Variants in ST6GALNAC1 observed in about 807,000 individuals in gnomAD.
ST6GALNAC1 encodes the protein ST6 N-acetylgalactosaminide alpha-2,6-sialyltransferase 1.
In ST6GALNAC1, 45 loss-of-function variants were observed where a neutral mutation model predicts 56.8. The ratio of observed to expected loss-of-function variants is 0.79; its 90% CI spans 0.62 to 1.02. The LOEUF is 1.02. Among genes scored for constraint, ST6GALNAC1 ranks in the 50% least tolerant of loss-of-function variants. The probability of loss-of-function intolerance (pLI) is 0.00; values close to 1 mark genes in which losing one functional copy is unlikely to be tolerated. For synonymous variants in ST6GALNAC1, 295 were observed against 297.8 expected (o/e 0.99, Z 0.10); for missense variants, 743 against 754.8 (o/e 0.98, Z 0.18).
intron 1 of ST6GALNAC1, among the ~76,000 whole-genome samples, chr17:76,641,216 C>T (rs906843710): frequency 1.8e-4 from 27 of 152,294 alleles, no homozygotes; most frequent in Middle Eastern, 6.8e-3. Context: ...CCCTGCCCCA[C>T]GAAATGCTTA....
intron 1 of ST6GALNAC1, among the ~76,000 whole-genome samples, chr17:76,634,121 T>A (rs1407566202): frequency 6.6e-6 from 1 of 152,220 alleles, no homozygotes; most frequent in Non-Finnish European, 1.5e-5. Flanking sequence ...TTCTATGGCA[T>A]GGAGAGCGAG....
chr17:76,618,417 A>G, the ST6GALNAC1 span, among the ~76,000 whole-genome samples: 1 of 152,134 alleles, frequency 6.6e-6, no homozygotes, highest in East Asian at 1.9e-4. Context: ...ACAATTTATC[A>G]ATAGGAAAGA....
At chr17:76,637,238 C>G (rs1284403684) in intron 1 of ST6GALNAC1, among the ~76,000 whole-genome samples, 1 of 138,104 alleles carries the variant, frequency 7.2e-6, no homozygotes, top group East Asian at 2.2e-4. Flanking sequence ...AAATCCCCCT[C>G]TCCGAGAAAC....
In ST6GALNAC1 at chr17:76,642,219, C is replaced by CCTATCTATCTATCTATCTATCTATCTAT. The variant is rs10693413; in HGVS notation, c.131+1288_131+1289insATAGATAGATAGATAGATAGATAGATAG. On this transcript the variant is annotated intron_variant, in intron 1 of 8. Coordinates refer to ENST00000156626, the MANE Select transcript of ST6GALNAC1 (RefSeq NM_018414.5). ...CTCTATCTCTCTCTCTCTCTATCTG[C>CCTATCTATCTATCTATCTATCTATCTAT]CTATCTATCTATCTATCTATCTATC... Among the ~76,000 whole-genome samples, 245 of 150,188 alleles carry CCTATCTATCTATCTATCTATCTATCTAT rather than the reference C, an allele frequency of 1.6e-3. 1 individual carries two copies. The highest frequency in any genetic ancestry group is 4.1e-3 in the African/African-American group (164 of 40,314).
chr17:76,630,512 G>A (rs564434588), intron 1 of ST6GALNAC1, among the ~76,000 whole-genome samples: 223 of 152,072 alleles, frequency 1.5e-3, no homozygotes, highest in African/African-American at 5.3e-3. Context: ...ACTTCCCAAG[G>A]GTGTTAGGAA....
At position 76,637,705 on chromosome 17, in the gene ST6GALNAC1, G is replaced by A. The variant is rs142774052; in HGVS notation, c.131+5803C>T. 8.9e-4 allele frequency: 355 copies of A among 399,024 alleles called. 2 individuals are homozygous for A. Among genetic ancestry groups the A allele is most frequent in the African/African-American group, 6.5e-3 (318 of 48,758 alleles). 24.7% of individuals were successfully genotyped at this position (399,024 alleles called of 1,614,324 possible). ...CGTCCCACTCCCATGCCTTGGCACCGCATCAGATGTCCTGGAGCCCTTGAT... is the reference window on the plus strand; with the variant it reads ...CGTCCCACTCCCATGCCTTGGCACCACATCAGATGTCCTGGAGCCCTTGAT... On this transcript the variant is annotated intron_variant, in intron 1 of 8. Coordinates refer to ENST00000156626, the MANE Select transcript of ST6GALNAC1 (RefSeq NM_018414.5).
At chr17:76,640,405 G>T (rs2076035197) in intron 1 of ST6GALNAC1, among the ~76,000 whole-genome samples, 1 of 152,118 alleles carries the variant, frequency 6.6e-6, no homozygotes, top group South Asian at 2.1e-4. Flanking sequence ...TTAACTCCAG[G>T]GCATGTGGCA....
At chr17:76,639,275 C>T (rs1172690532) in intron 1 of ST6GALNAC1, among the ~76,000 whole-genome samples, 2 of 152,092 alleles carry the variant, frequency 1.3e-5, no homozygotes, top group African/African-American at 4.8e-5. Flanking sequence ...TGAGGAAACA[C>T]AGACAAATAA....
rs762959525 is a variant in ST6GALNAC1 at position 76,625,849 on chromosome 17, CAGGAGGGCCCCAGTGGTGG to C, written c.1556_1574del (p.Pro519ArgfsTer12). ...CACAGAGCTGAAGGGCAGTGAGCAG[CAGGAGGGCCCCAGTGGTGG>C]GGCGGTATATCCTCCAGTGGGCACC... is the stretch of plus-strand genomic sequence containing the variant. On this transcript the variant is annotated frameshift_variant, in exon 8 of 9. Coordinates refer to ENST00000156626, the MANE Select transcript of ST6GALNAC1 (RefSeq NM_018414.5). LOFTEE classifies it low-confidence loss of function (END_TRUNC). 6.5e-7 allele frequency: 1 copy of C among 1,542,726 alleles called. No homozygotes were observed. The highest frequency in any genetic ancestry group is 2.2e-5 in the East Asian group (1 of 44,460).
intron 1 of ST6GALNAC1, among the ~76,000 whole-genome samples, chr17:76,640,746 C>T (rs958855857): frequency 7.4e-4 from 112 of 152,144 alleles, no homozygotes; most frequent in African/African-American, 2.2e-3. Flanking sequence ...GCACAAAGTC[C>T]GGTGACCACA....
At chr17:76,634,692 T>G (rs2143464438) in intron 1 of ST6GALNAC1, among the ~76,000 whole-genome samples, 1 of 151,894 alleles carries the variant, frequency 6.6e-6, no homozygotes, top group Non-Finnish European at 1.5e-5. Flanking sequence ...GAGACCAGCC[T>G]GGCCAACATG....
intron 1 of ST6GALNAC1, among the ~76,000 whole-genome samples, chr17:76,638,418 C>T (rs2076004679): frequency 6.6e-6 from 1 of 151,926 alleles, no homozygotes; most frequent in African/African-American, 2.4e-5. Context: ...GCTGTGTCAC[C>T]CAGGCTGGAG....
chr17:76,627,227 C>A lies in ST6GALNAC1; in HGVS notation c.1012G>T (p.Val338Phe), dbSNP rs764347924. Residue 338 changes from valine to phenylalanine, a missense_variant, in exon 4 of 9, where the codon GTC becomes TTC. Coordinates refer to ENST00000156626, the MANE Select transcript of ST6GALNAC1 (RefSeq NM_018414.5). This position sits in a 1 kb window ranked among gnomAD's most constrained non-coding sequence, Gnocchi z 4.4. The stretch of plus-strand genomic sequence containing the variant: ...GGCACTGGAGGGAAGCGTGTCACGA[C>A]CTTCTGCACCACTGGAACAAGAGTG... ...MELNYSLVQK[V>F]VTRFPPVPQQ... 1 of 1,566,130 alleles carries A rather than the reference C, an allele frequency of 6.4e-7. No homozygotes were observed.
intron 1 of ST6GALNAC1, chr17:76,637,380 T>A: frequency 2.3e-5 from 4 of 170,302 alleles, no homozygotes; most frequent in Non-Finnish European, 3.5e-5. Flanking sequence ...CATAGAACAG[T>A]CACCACAAGG....
At chr17:76,641,438 T>A (rs2076046721) in intron 1 of ST6GALNAC1, among the ~76,000 whole-genome samples, 1 of 151,552 alleles carries the variant, frequency 6.6e-6, no homozygotes, top group South Asian at 2.1e-4. Context: ...ATGAAAAAAA[T>A]AATAAAAAGG....
At chr17:76,643,463 C>T in intron 1 of ST6GALNAC1, 45 bp downstream of exon 1, 4 of 1,605,066 alleles carry the variant, frequency 2.5e-6, no homozygotes, top group Admixed American at 3.4e-5. Context: ...TTTCTGTTTC[C>T]TCAAATGAAT....
intron 1 of ST6GALNAC1, among the ~76,000 whole-genome samples, chr17:76,641,617 G>A (rs1162958923): frequency 6.6e-6 from 1 of 152,166 alleles, no homozygotes; most frequent in East Asian, 1.9e-4. Flanking sequence ...GTCCTGGGAG[G>A]TAAAGTAAAC....
intron 1 of ST6GALNAC1, among the ~76,000 whole-genome samples, chr17:76,632,883 G>A (rs918062343): frequency 6.6e-6 from 1 of 152,154 alleles, no homozygotes; most frequent in Non-Finnish European, 1.5e-5. Flanking sequence ...TACTAGGGAA[G>A]TAAAAATATA....
chr17:76,625,694 C>T (rs1272965167), intron 8 of ST6GALNAC1, 125 bp downstream of exon 8: 5 of 1,140,370 alleles, frequency 4.4e-6, no homozygotes, highest in Non-Finnish European at 6.1e-6. Flanking sequence ...CACCCATACT[C>T]ATGCCCACCC....
Sources: gnomAD v4.1 joint callset for allele counts (sites outside exome capture counted in the v4.1 genomes callset) on GRCh38, gnomAD v4.1.1 for gene constraint, Gnocchi (gnomAD v3.1) non-coding constraint, MANE v1.5 for transcripts, NCBI Gene and HGNC (gene_info 2026-07-23, HGNC 2026-07-21) for gene names.